The following APP variants were observed in gnomAD, a reference collection of about 807,000 sequenced individuals.
The protein encoded by APP is amyloid-beta precursor protein.
APP carries 31 observed loss-of-function variants against 101.4 expected under a neutral mutation model. The ratio of observed to expected loss-of-function variants is 0.31; its 90% confidence interval spans 0.23 to 0.41. The LOEUF (loss-of-function observed/expected upper bound fraction) is 0.41, where lower values mean the gene tolerates loss of function less well. APP is among the 10% of genes least tolerant of loss of function. The pLI is 1.00. For missense variants in APP, 839 were observed against 1,003.7 expected (o/e 0.84, Z 2.22); for synonymous variants, 366 against 364.4 (o/e 1.00, Z -0.05).
chr21:26,166,295 G>C (rs2146396983), intron 1 of APP, among the ~76,000 whole-genome samples: 1 of 152,074 alleles, frequency 6.6e-6, no homozygotes, highest in Non-Finnish European at 1.5e-5. Context: ...TCCTTCCCCT[G>C]CCACCTTCTG....
intron 3 of APP, among the ~76,000 whole-genome samples, chr21:26,066,543 T>C (rs987668199): frequency 2.8e-4 from 43 of 150,882 alleles, no homozygotes; most frequent in African/African-American, 1.0e-3. Context: ...CACCATTCTG[T>C]TTTCCATCTT....
At chr21:26,109,713 C>T (rs2062268101) in intron 2 of APP, among the ~76,000 whole-genome samples, 1 of 33,732 alleles carries the variant, frequency 3.0e-5, no homozygotes, top group Admixed American at 3.8e-4. Flanking sequence ...TTCCTGGGGT[C>T]AAGAAGAGTA....
chr21:25,998,505 A>G (rs1248737850), intron 7 of APP, among the ~76,000 whole-genome samples: 1 of 151,986 alleles, frequency 6.6e-6, no homozygotes, highest in Non-Finnish European at 1.5e-5. Flanking sequence ...GAGCTTTTCC[A>G]TTACATTCCT....
intron 16 of APP, among the ~76,000 whole-genome samples, chr21:25,895,018 G>C (rs2037938756): frequency 6.6e-6 from 1 of 151,782 alleles, no homozygotes; most frequent in Non-Finnish European, 1.5e-5. Context: ...TTCTCCACGA[G>C]CAAAAAGATT....
intron 6 of APP, among the ~76,000 whole-genome samples, chr21:26,010,850 A>C (rs1297278346): frequency 6.7e-6 from 1 of 150,070 alleles, no homozygotes; most frequent in Non-Finnish European, 1.5e-5. Context: ...AAAGCAAAAA[A>C]CAACAAAACA....
chr21:26,114,240 T>C (rs1471392669), intron 1 of APP, among the ~76,000 whole-genome samples: 1 of 152,212 alleles, frequency 6.6e-6, no homozygotes, highest in Admixed American at 6.5e-5. Context: ...ACAAATGCAC[T>C]TGATTCCATT....
intron 13 of APP, among the ~76,000 whole-genome samples, chr21:25,919,896 G>A (rs2039543134): frequency 1.9e-5 from 2 of 105,422 alleles, no homozygotes; most frequent in Non-Finnish European, 1.8e-5. Context: ...GATACTCCTC[G>A]AGAAGAGCAA....
At position 26,138,855 on chromosome 21, in the gene APP, C is replaced by T. The variant is rs2062977850; in HGVS notation, c.58-26709G>A. Among the ~76,000 whole-genome samples the T allele has an allele frequency of 3.3e-5, 5 of 152,316 alleles. No homozygotes were observed. In the South Asian group the frequency reaches 1.0e-3, roughly 32 times the overall value. ...AAACCTAAGGAACTCAAAAAGCAAA[C>T]TGACATTTGTCAGGAACTGCTCCCT... is the stretch of plus-strand genomic sequence containing the variant. On this transcript the variant is annotated intron_variant, in intron 1 of 17. Coordinates refer to ENST00000346798, the MANE Select transcript of APP (RefSeq NM_000484.4).
chr21:26,026,556 C>T (rs996931419), intron 5 of APP, among the ~76,000 whole-genome samples: 2 of 152,218 alleles, frequency 1.3e-5, no homozygotes, highest in African/African-American at 4.8e-5. Context: ...GATTTTGATT[C>T]ACACACCAAT....
intron 6 of APP, among the ~76,000 whole-genome samples, chr21:26,000,719 T>C (rs1369794514): frequency 6.6e-6 from 1 of 152,208 alleles, no homozygotes; most frequent in Non-Finnish European, 1.5e-5. Flanking sequence ...TGGAAACACA[T>C]GTCATATCTG....
chr21:25,893,515 C>A (rs1013329614), intron 16 of APP, among the ~76,000 whole-genome samples: 60 of 152,324 alleles, frequency 3.9e-4, no homozygotes, highest in African/African-American at 1.4e-3. Flanking sequence ...TAAAGCAAAA[C>A]AGCCTTATTG....
intron 5 of APP, among the ~76,000 whole-genome samples, chr21:26,040,605 T>TAAAAA (rs35349551): frequency 8.0e-6 from 1 of 125,348 alleles, no homozygotes. Context: ...CCGTCTCCAT[T>TAAAAA]AAAAAAAAAA....
At chr21:26,029,591 T>A (rs906319501) in intron 5 of APP, among the ~76,000 whole-genome samples, 1 of 151,878 alleles carries the variant, frequency 6.6e-6, no homozygotes, top group Admixed American at 6.6e-5. Flanking sequence ...GGGTAGAGCA[T>A]GTGCAAAGGC....
intron 1 of APP, among the ~76,000 whole-genome samples, chr21:26,131,888 G>A (rs1442231985): frequency 6.0e-5 from 9 of 151,180 alleles, no homozygotes; most frequent in African/African-American, 1.9e-4. Flanking sequence ...TACTGGAATC[G>A]TGATAGTTGA....
chr21:26,170,492 G>A (rs2063722966), intron 1 of APP, 72 bp downstream of exon 1: 2 of 1,470,850 alleles, frequency 1.4e-6, no homozygotes, highest in Admixed American at 4.0e-5. Flanking sequence ...TTAAAGACTT[G>A]GGTTAAGGTC....
chr21:25,900,773 G>A (rs1056701636), intron 15 of APP, among the ~76,000 whole-genome samples: 3 of 151,872 alleles, frequency 2.0e-5, no homozygotes, highest in South Asian at 4.2e-4. Flanking sequence ...AGGCCGAGGC[G>A]GGAGGATCAC....
At chr21:26,046,943 G>T (rs1487792728) in intron 5 of APP, among the ~76,000 whole-genome samples, 1 of 152,034 alleles carries the variant, frequency 6.6e-6, no homozygotes, top group African/African-American at 2.4e-5. Flanking sequence ...CATTATGTAC[G>T]TAATTATTAT....
chr21:26,055,828 A>G (rs1177014076), intron 3 of APP, among the ~76,000 whole-genome samples: 3 of 152,136 alleles, frequency 2.0e-5, no homozygotes, highest in African/African-American at 7.2e-5. Flanking sequence ...AGTTCGTGAG[A>G]AGAGCCAGAG....
At position 26,105,983 on chromosome 21, in the gene APP, G is replaced by C. The variant is rs2830055; in HGVS notation, c.225+5996C>G. Among the ~76,000 whole-genome samples, 594 of 152,332 alleles carry C rather than the reference G, an allele frequency of 3.9e-3. 6 individuals carry two copies. Among genetic ancestry groups the C allele is most frequent in the African/African-American group, 0.014 (573 of 41,562 alleles). Reference sequence around the variant, plus strand: ...ACACCCACAAGGCCAAGATGGGCTAGTCCTGATACTGAGTCCCTGCAGATA... The same window carrying C: ...ACACCCACAAGGCCAAGATGGGCTACTCCTGATACTGAGTCCCTGCAGATA... On this transcript the variant is annotated intron_variant, in intron 2 of 17. Transcript: ENST00000346798.
Sources: gnomAD v4.1 joint callset for allele counts (sites outside exome capture counted in the v4.1 genomes callset) on GRCh38, gnomAD v4.1.1 for gene constraint, MANE v1.5 for transcripts, NCBI Gene and HGNC (gene_info 2026-07-23, HGNC 2026-07-21) for gene names.